The following ODF2 variants were observed in gnomAD, a reference collection of about 807,000 sequenced individuals.
ODF2 encodes outer dense fiber of sperm tails 2.
A neutral mutation model predicts 110.2 loss-of-function variants in ODF2; 47 were observed. The observed-to-expected ratio is 0.43, with a 90% CI of 0.34 to 0.54. The LOEUF (loss-of-function observed/expected upper bound fraction) is 0.54, where lower values mean the gene tolerates loss of function less well. Among genes scored for constraint, ODF2 ranks in the 20% least tolerant of loss-of-function variants. The probability of loss-of-function intolerance (pLI) is 0.03; values close to 1 mark genes in which losing one functional copy is unlikely to be tolerated. For synonymous variants in ODF2, 352 were observed against 397.7 expected, an observed-to-expected ratio of 0.89 and a Z score of 1.37; for missense variants, 812 against 1,054.5, an observed-to-expected ratio of 0.77 and a Z score of 3.19.
At chr9:128,458,867 C>T (rs780468740) in intron 2 of ODF2, among the ~76,000 whole-genome samples, 66 of 151,982 alleles carry the variant, frequency 4.3e-4, no homozygotes, top group African/African-American at 1.5e-3. Context: ...TGTTTTGAAA[C>T]GGGGTCTCCC....
intron 4 of ODF2, among the ~76,000 whole-genome samples, chr9:128,461,579 C>T (rs1169033734): frequency 3.3e-5 from 5 of 152,078 alleles, no homozygotes; most frequent in African/African-American, 9.7e-5. Flanking sequence ...CCACCACTTA[C>T]GTCTGATTTT....
intron 8 of ODF2, among the ~76,000 whole-genome samples, chr9:128,479,497 G>C (rs1323848637): frequency 6.6e-6 from 1 of 152,194 alleles, no homozygotes; most frequent in Non-Finnish European, 1.5e-5. Context: ...CTGCTGCCTG[G>C]TACTGGTGAG....
chr9:128,469,528 C>T, intron 5 of ODF2, 175 bp downstream of exon 5: 1 of 638,282 alleles, frequency 1.6e-6, no homozygotes, highest in Non-Finnish European at 2.7e-6. Flanking sequence ...CATGGGATCC[C>T]ATCCCACCAA....
At position 128,460,934 on chromosome 9, in the gene ODF2, T is replaced by A. The variant is rs1251838002; in HGVS notation, c.124-8T>A. ...TGGAAGTGACCCTGGGTTTGTCCCT[T>A]TCCACAGAAATCTCACAAGCGAGGA... On this transcript the variant is annotated splice_region_variant and splice_polypyrimidine_tract_variant and intron_variant, in intron 3 of 20. Transcript: ENST00000604420. 1 of 1,614,188 alleles carries A rather than the reference T, an allele frequency of 6.2e-7. No homozygotes were observed. Among genetic ancestry groups the A allele is most frequent in the Non-Finnish European group, 8.5e-7 (1 of 1,180,024 alleles).
rs1236687552 is a variant in ODF2 at position 128,460,813 on chromosome 9, T to C, written c.124-129T>C. ...TTCCTGGTTAGAAGGTAGGCAGGCC[T>C]GTCATCCAGGAGCAACAGCAGTAAC... On this transcript the variant is annotated intron_variant, in intron 3 of 20. Transcript: ENST00000604420. 17 of 1,513,922 alleles carry C rather than the reference T, an allele frequency of 1.1e-5. No individual in the cohort carries two copies. In the East Asian group the frequency reaches 3.9e-4, roughly 34 times the overall value. The allele number at this position is 1,513,922 out of a possible 1,614,324, so 93.8% of individuals were successfully genotyped here. A position where few individuals can be genotyped will look rare whatever the true frequency, so the allele number is the denominator to read the frequency against.
At chr9:128,459,515 T>C in intron 2 of ODF2, 52 bp from the exon 2 acceptor site, 5 of 1,406,912 alleles carry the variant, frequency 3.6e-6, no homozygotes, top group Middle Eastern at 3.5e-4. Flanking sequence ...ATCTGAAATA[T>C]AAGATTGCCC....
chr9:128,470,545 C>T (rs1210395457), intron 5 of ODF2, among the ~76,000 whole-genome samples: 1 of 151,938 alleles, frequency 6.6e-6, no homozygotes, highest in Non-Finnish European at 1.5e-5. Context: ...ATCACTTGAA[C>T]CCAGGAGGCA....
chr9:128,456,657 C>G (rs1834883204), intron 1 of ODF2: 1 of 1,474,412 alleles, frequency 6.8e-7, no homozygotes, highest in South Asian at 1.3e-5. Flanking sequence ...CCGACCGCCT[C>G]GTCCTCTCCT....
At chr9:128,458,674 TA>T (rs1046861529) in intron 2 of ODF2, among the ~76,000 whole-genome samples, 12 of 150,354 alleles carry the variant, frequency 8.0e-5, no homozygotes, top group Admixed American at 3.3e-4. Flanking sequence ...GACATGGCAT[TA>T]AAAAAAAATC....
At chr9:128,457,061 C>T in intron 1 of ODF2, 2 of 1,313,980 alleles carry the variant, frequency 1.5e-6, no homozygotes, top group South Asian at 2.8e-5. Context: ...CAGGTTTCCC[C>T]CGGTAGCCAC....
chr9:128,476,563 C>G (rs989598167), intron 8 of ODF2, among the ~76,000 whole-genome samples: 1 of 152,076 alleles, frequency 6.6e-6, no homozygotes, highest in Non-Finnish European at 1.5e-5. Context: ...GCTGTAATTA[C>G]AGGCGTGAGC....
At chr9:128,457,926 T>A (rs1163627442) in intron 2 of ODF2, among the ~76,000 whole-genome samples, 1 of 37,444 alleles carries the variant, frequency 2.7e-5, no homozygotes, top group Non-Finnish European at 5.7e-5. Flanking sequence ...TCAGTAGAGG[T>A]CTATATATAT....
intron 10 of ODF2, 40 bp from the exon 11 acceptor site, chr9:128,483,898 A>C: frequency 1.4e-6 from 2 of 1,437,100 alleles, no homozygotes; most frequent in Non-Finnish European, 2.0e-6. Context: ...AAAAACAAAC[A>C]AAAAATTGTG....
intron 8 of ODF2, among the ~76,000 whole-genome samples, chr9:128,479,445 G>A (rs1842000990): frequency 6.6e-6 from 1 of 152,170 alleles, no homozygotes; most frequent in South Asian, 2.1e-4. Context: ...AAACCAGCAG[G>A]AGTGCTGTTG....
chr9:128,499,255 C>G, intron 20 of ODF2, 129 bp downstream of exon 20: 1 of 1,077,928 alleles, frequency 9.3e-7, no homozygotes. Context: ...TCTCCAATCA[C>G]TTTCTATCCC....
At chr9:128,492,716 T>C (rs1844841455) in exon 16 of ODF2, 2 of 1,614,142 alleles carry the variant, frequency 1.2e-6, no homozygotes, top group Admixed American at 3.3e-5. Context: ...GAAGACCAGA[T>C]TGGAGGCTGA....
At chr9:128,473,236 C>T (rs1406702737) in intron 7 of ODF2, 194 bp downstream of exon 7, 2 of 985,162 alleles carry the variant, frequency 2.0e-6, no homozygotes, top group African/African-American at 3.5e-5. Context: ...CCTCTGGTCA[C>T]CAGGGCCTCT....
At chr9:128,500,788 T>C (rs73628746), downstream of ODF2, 3,727 of 153,054 alleles carry the variant, frequency 0.024, 156 homozygotes, top group African/African-American at 0.085. Flanking sequence ...TTGAGGCCAC[T>C]TGCCCCCAAG....
At chr9:128,486,939 A>T (rs1768945059) in intron 13 of ODF2, among the ~76,000 whole-genome samples, 1 of 152,166 alleles carries the variant, frequency 6.6e-6, no homozygotes, top group African/African-American at 2.4e-5. Flanking sequence ...CGTCTGTCCT[A>T]ACACCAAGAC....
Sources: allele counts gnomAD v4.1 joint callset (sites outside exome capture counted in the v4.1 genomes callset), GRCh38; gene constraint gnomAD v4.1.1; transcripts MANE v1.5; gene names NCBI Gene and HGNC (gene_info 2026-07-23, HGNC 2026-07-21).